FYCO1: variants seen among roughly 807,000 people sequenced by gnomAD.
The protein encoded by FYCO1 is FYVE and coiled-coil domain autophagy adaptor 1.
Under a neutral mutation model 165.1 loss-of-function variants are expected in FYCO1, and 122 were observed. The ratio of observed to expected loss-of-function variants is 0.74; its 90% CI spans 0.64 to 0.86. The LOEUF is 0.86. Ranked by LOEUF, FYCO1 falls within the 40% of genes least tolerant of loss-of-function variation. FYCO1 has a pLI of 0.00. For missense variants in FYCO1, 1,702 were observed against 1,810.3 expected (o/e 0.94, Z 1.09); for synonymous variants, 648 against 742.5 (o/e 0.87, Z 2.07).
chr3:45,975,246 CT>C lies in FYCO1; in HGVS notation c.387del (p.Val130Ter), dbSNP rs758250869. On this transcript the variant is annotated frameshift_variant, in exon 5 of 18. Coordinates refer to ENST00000296137, the MANE Select transcript of FYCO1 (RefSeq NM_024513.4). LOFTEE classifies it high-confidence loss of function. ...GCCCTGTCCTGTATTTACCTGGTCA[CT>C]TTGGTGTTCATGAAGCACTGCTGTA... is the stretch of plus-strand genomic sequence containing the variant. ...DTLQQCFMNT[K>X]VTSDWYYARS... 8 of 1,610,292 alleles carry C rather than the reference CT, an allele frequency of 5.0e-6. No individual in the cohort carries two copies. The African/African-American group carries it at 1.1e-4, about 22-fold the overall frequency.
chr3:45,938,739 AC>A (rs1382524158), intron 14 of FYCO1, among the ~76,000 whole-genome samples: 1 of 152,162 alleles, frequency 6.6e-6, no homozygotes, highest in African/African-American at 2.4e-5. Flanking sequence ...TGATTGGCCC[AC>A]CTCGGCCTCC....
chr3:45,958,587 C>A lies in FYCO1; in HGVS notation c.3620G>T (p.Cys1207Phe), dbSNP rs755841362. 3 of 1,614,120 alleles carry A rather than the reference C, an allele frequency of 1.9e-6. No individual in the cohort carries two copies. The African/African-American group carries it at 4.0e-5, about 22-fold the overall frequency. ...GTGCTTGCTCAGGACGTAGTTGTTGCAGCAGTAGTAACAGAAGATGCGGCC... is the reference window on the plus strand; with the variant it reads ...GTGCTTGCTCAGGACGTAGTTGTTGAAGCAGTAGTAACAGAAGATGCGGCC... ...ICGRIFCYYCCNNYVLSKHGG... is the reference protein window; with the variant it reads ...ICGRIFCYYCFNNYVLSKHGG... Residue 1207 changes from cysteine (C) to phenylalanine (F), a missense_variant, in exon 13 of 18, where the codon TGC (cysteine) becomes TTC (phenylalanine). Transcript: ENST00000296137.
chr3:45,941,257 C>T (rs1047115165), intron 14 of FYCO1: 15 of 152,194 alleles, frequency 9.9e-5, no homozygotes, highest in African/African-American at 3.6e-4. Context: ...ATGTCTCATC[C>T]CTGAATCCTG....
rs376736854 is a variant in FYCO1 at position 45,979,705 on chromosome 3, C to G, written c.288G>C (p.Glu96Asp). 1.2e-6 allele frequency: 2 copies of G among 1,613,824 alleles called. No homozygotes were observed. The highest frequency in any genetic ancestry group is 1.7e-6 in the Non-Finnish European group (2 of 1,179,782). The part of the protein sequence containing the change: ...DGIRFVKSIS[E>D]LRTSLGKGRA... The stretch of plus-strand genomic sequence containing the variant: ...GTTGTTGGCTGCTTGCTCAGCTTAC[C>G]TCTGAGATAGACTTGACAAAGCGGA... The change falls in exon 4 of 18, where the codon GAG becomes GAC. Residue 96 changes from glutamate (E) to aspartate (D), a missense_variant and splice_region_variant. Coordinates refer to ENST00000296137, the MANE Select transcript of FYCO1 (RefSeq NM_024513.4).
Position 45,973,199 on chromosome 3 carries a change from T to C in FYCO1, c.428A>G (p.Gln143Arg). ...CACAATGTCCGAGCTCAGCTTTGGC[T>C]GCAGAAAGGGGCTTCTTGCATAGTA... ...DWYYARSPFL[Q>R]PKLSSDIVGQ... is the part of the protein sequence containing the mutation. Residue 143 changes from glutamine (Q) to arginine (R), a missense_variant, in exon 6 of 18, where the codon CAG becomes CGG. Transcript: ENST00000296137. 1.2e-6 allele frequency: 2 copies of C among 1,614,212 alleles called. No homozygotes were observed. Among genetic ancestry groups the C allele is most frequent in the Non-Finnish European group, 1.7e-6 (2 of 1,180,028 alleles).
rs35525815 is a variant in FYCO1 at position 45,964,777 on chromosome 3, C to T, written c.3150+256G>A. On this transcript the variant is annotated intron_variant, in intron 9 of 17. Coordinates refer to ENST00000296137, the MANE Select transcript of FYCO1 (RefSeq NM_024513.4). The surrounding 1 kb of genome is among the most constrained non-coding windows in gnomAD (Gnocchi z 4.1). ...GTGCCACCCCTGCTCCCACCCATTT[C>T]AGAATCACTGGCTGGCGATCACCCA... 0.093 allele frequency among the ~76,000 whole-genome samples: 14,224 copies of T among 152,262 alleles called. 1,025 individuals carry two copies. Among genetic ancestry groups the T allele is most frequent in the South Asian group, 0.34 (1,646 of 4,820 alleles).
At position 45,962,230 on chromosome 3, in the gene FYCO1, C is replaced by T. The variant is rs757763932; in HGVS notation, c.3432G>A (p.Leu1144=). The T allele has an allele frequency of 6.8e-6, 11 of 1,614,114 alleles. No individual in the cohort carries two copies. Among genetic ancestry groups the T allele is most frequent in the Non-Finnish European group, 8.5e-6 (10 of 1,180,038 alleles). The part of the protein sequence containing the change: ...KKYLEERLIE[L]LRDKDALWQK... ...TGGTTTGACACAGCACTCACCTGAG[C>T]AGCTCTATCAGCCGCTCCTCGAGAT... The change falls in exon 11 of 18, where the codon CTG becomes CTA. Residue 1144 remains leucine, a synonymous_variant. Coordinates refer to ENST00000296137, the MANE Select transcript of FYCO1 (RefSeq NM_024513.4). The surrounding 1 kb of genome is among the most constrained non-coding windows in gnomAD (Gnocchi z 4.4).
chr3:45,927,522 G>C (rs1242317594), intron 16 of FYCO1, among the ~76,000 whole-genome samples: 1 of 152,222 alleles, frequency 6.6e-6, no homozygotes, highest in African/African-American at 2.4e-5. Flanking sequence ...CTGGCAGCTG[G>C]TAGTGGTGAG....
At chr3:45,984,305 G>A (rs943726999) in intron 2 of FYCO1, among the ~76,000 whole-genome samples, 30 of 152,220 alleles carry the variant, frequency 2.0e-4, no homozygotes, top group African/African-American at 7.0e-4. Context: ...TTTCTCCAGT[G>A]AGATAAGGGA....
chr3:45,983,173 G>C (rs149512603), intron 2 of FYCO1, among the ~76,000 whole-genome samples: 1,719 of 152,316 alleles, frequency 0.011, 42 homozygotes, highest in African/African-American at 0.038. Context: ...GAAAGGTGAA[G>C]GGACTTGTCC....
At chr3:45,991,037 C>G (rs1036347622) in intron 1 of FYCO1, among the ~76,000 whole-genome samples, 38 of 152,156 alleles carry the variant, frequency 2.5e-4, no homozygotes, top group Non-Finnish European at 4.4e-4. Flanking sequence ...CTTGGCCTCC[C>G]AAAGTGCTGG....
rs1281882202 is a variant in FYCO1 at position 45,979,745 on chromosome 3, C to A, written c.248G>T (p.Gly83Val). ...GACAAAGCGGATCCCATCATTGGCT[C>A]CTTTCACCTTGGCCAGGCAGGCACA... The part of the protein sequence containing the change: ...YFCACLAKVK[G>V]ANDGIRFVKS... The change falls in exon 4 of 18, where the codon GGA becomes GTA. Residue 83 changes from glycine to valine, a missense_variant. By Grantham distance (109) the Gly-to-Val change is moderately radical (BLOSUM62 -3). Transcript: ENST00000296137. 6.2e-7 allele frequency: 1 copy of A among 1,614,130 alleles called. No individual in the cohort carries two copies. Among genetic ancestry groups the A allele is most frequent in the South Asian group, 1.1e-5 (1 of 91,086 alleles).
At chr3:45,949,397 G>A (rs1559451048) in intron 14 of FYCO1, among the ~76,000 whole-genome samples, 1 of 152,250 alleles carries the variant, frequency 6.6e-6, no homozygotes, top group Non-Finnish European at 1.5e-5. Context: ...ATCCCTGACA[G>A]TGTCCCGGCC....
chr3:45,940,338 T>C (rs1704148818), intron 14 of FYCO1, among the ~76,000 whole-genome samples: 1 of 152,182 alleles, frequency 6.6e-6, no homozygotes, highest in Non-Finnish European at 1.5e-5. Flanking sequence ...AATCAGCAGC[T>C]TCCTGACAAG....
chr3:45,947,474 C>T, intron 14 of FYCO1: 1 of 1,614,134 alleles, frequency 6.2e-7, no homozygotes, highest in South Asian at 1.1e-5. Context: ...TTTCTGCCTC[C>T]CACAATGTGG....
At chr3:45,942,509 T>G (rs1185690833) in intron 14 of FYCO1, among the ~76,000 whole-genome samples, 2 of 151,824 alleles carry the variant, frequency 1.3e-5, no homozygotes, top group Admixed American at 1.3e-4. Context: ...TGAATGGGAG[T>G]GCAGAGCCAG....
At chr3:45,934,208 A>G (rs1323003619) in intron 15 of FYCO1, among the ~76,000 whole-genome samples, 3 of 152,204 alleles carry the variant, frequency 2.0e-5, no homozygotes, top group African/African-American at 7.2e-5. Flanking sequence ...GGGAAAATAG[A>G]GTGCATCTGA....
At chr3:45,957,693 C>T (rs1297573334) in intron 13 of FYCO1, among the ~76,000 whole-genome samples, 1 of 152,260 alleles carries the variant, frequency 6.6e-6, no homozygotes, top group Non-Finnish European at 1.5e-5. Flanking sequence ...CTTGGTAATC[C>T]ACTCAAACAA....
At chr3:45,968,736 T>C (rs188420663) in intron 7 of FYCO1, 33 bp from the exon 8 acceptor site, 1 of 1,613,946 alleles carries the variant, frequency 6.2e-7, no homozygotes, top group African/African-American at 1.3e-5. Context: ...CAAGTGGCTT[T>C]AGGATGAAGC....
Sources: gnomAD v4.1 joint callset for allele counts (sites outside exome capture counted in the v4.1 genomes callset) on GRCh38, gnomAD v4.1.1 for gene constraint, Gnocchi (gnomAD v3.1) non-coding constraint, MANE v1.5 for transcripts, NCBI Gene and HGNC (gene_info 2026-07-23, HGNC 2026-07-21) for gene names.